The following SCARA5 variants were observed in gnomAD, a reference collection of about 807,000 sequenced individuals.
SCARA5 encodes the protein scavenger receptor class A member 5.
In SCARA5, 45 loss-of-function variants were observed where a neutral mutation model predicts 46.3. The observed-to-expected ratio is 0.97, with a 90% CI of 0.76 to 1.24. SCARA5 has a LOEUF of 1.24. Among genes scored for constraint, SCARA5 ranks in the 50% most tolerant of loss-of-function variants. SCARA5 has a pLI of 0.00. For synonymous variants in SCARA5, 333 were observed against 306.5 expected (o/e 1.09, Z -0.90); for missense variants, 680 against 689.0 (o/e 0.99, Z 0.15).
intron 3 of SCARA5, among the ~76,000 whole-genome samples, chr8:27,960,439 G>A (rs540115721): frequency 1.3e-5 from 2 of 152,248 alleles, no homozygotes; most frequent in East Asian, 3.9e-4. Context: ...GGCCTCCCAA[G>A]AGCTGCAATT....
chr8:27,901,380 T>G (rs1205566479), intron 7 of SCARA5, among the ~76,000 whole-genome samples: 1 of 152,098 alleles, frequency 6.6e-6, no homozygotes, highest in Non-Finnish European at 1.5e-5. Flanking sequence ...CGATGTTGGC[T>G]TGTGGAGGAG....
Position 27,869,933 on chromosome 8 carries a change from T to C in SCARA5, c.*2001A>G, listed in dbSNP as rs1196055153. ...AAATTCTTTCTTACAAAAGGTCTGA[T>C]GTATTTTAGGCCAGGCCTAATTTGC... On this transcript the variant is annotated 3_prime_UTR_variant, in exon 9 of 9. Transcript: ENST00000354914. 1.3e-5 allele frequency: 2 copies of C among 152,256 alleles called. No individual in the cohort carries two copies. Among genetic ancestry groups the C allele is most frequent in the African/African-American group, 4.8e-5 (2 of 41,470 alleles). 9.4% of individuals were successfully genotyped at this position (152,256 alleles called of 1,614,324 possible). A position where few individuals can be genotyped will look rare whatever the true frequency, so the allele number is the denominator to read the frequency against.
chr8:27,936,592 T>TAAAAAAAAAAAAAAGAAAAAAAA (rs1807861201), intron 3 of SCARA5, among the ~76,000 whole-genome samples: 1 of 31,314 alleles, frequency 3.2e-5, no homozygotes, highest in Non-Finnish European at 5.6e-5. Context: ...GTGTCTCCAT[T>TAAAAAAAAAAAAAAGAAAAAAAA]AAAAAAAAAA....
At chr8:27,978,002 C>T (rs1005869355) in intron 2 of SCARA5, among the ~76,000 whole-genome samples, 10 of 150,344 alleles carry the variant, frequency 6.7e-5, no homozygotes, top group Admixed American at 4.6e-4. Context: ...TAGTGTATTT[C>T]AGTTAGTTTC....
At chr8:27,929,642 G>A (rs988512906) in intron 3 of SCARA5, among the ~76,000 whole-genome samples, 1 of 152,142 alleles carries the variant, frequency 6.6e-6, no homozygotes. Flanking sequence ...ATGAAATTGG[G>A]GTGAATTTGT....
chr8:27,974,700 C>CCT (rs3842192), intron 2 of SCARA5, among the ~76,000 whole-genome samples: 86,162 of 151,318 alleles, frequency 0.57, 24,597 homozygotes, highest in South Asian at 0.66. Context: ...CCACAAATAA[C>CCT]CTGTCTTTGA....
chr8:27,877,429 CCA>C (rs2129663800), intron 8 of SCARA5, among the ~76,000 whole-genome samples: 1 of 152,286 alleles, frequency 6.6e-6, no homozygotes, highest in Admixed American at 6.5e-5. Context: ...GTGAAAGAAG[CCA>C]CAGTCTACAG....
chr8:27,922,304 A>C, intron 3 of SCARA5, 59 bp from the exon 4 acceptor site: 1 of 1,293,338 alleles, frequency 7.7e-7, no homozygotes, highest in South Asian at 1.6e-5. Flanking sequence ...CCCGGGTGAC[A>C]AGAGGCGAAC....
At chr8:27,981,764 C>T (rs1346093851) in intron 2 of SCARA5, among the ~76,000 whole-genome samples, 4 of 152,212 alleles carry the variant, frequency 2.6e-5, no homozygotes, top group Non-Finnish European at 5.9e-5. Flanking sequence ...CCACTGGCTC[C>T]CCCGGGGACC....
At chr8:27,882,392 T>A (rs182788151) in intron 7 of SCARA5, among the ~76,000 whole-genome samples, 2 of 152,350 alleles carry the variant, frequency 1.3e-5, no homozygotes, top group Non-Finnish European at 2.9e-5. Flanking sequence ...CAGTTTCAGC[T>A]CATTTGGGTA....
chr8:27,984,527 T>C (rs1808671202), intron 2 of SCARA5, among the ~76,000 whole-genome samples: 1 of 152,040 alleles, frequency 6.6e-6, no homozygotes, highest in Admixed American at 6.6e-5. Context: ...CATTCATCCA[T>C]CTATCCATTC....
intron 7 of SCARA5, chr8:27,903,737 G>T (rs1282952016): frequency 6.6e-6 from 1 of 152,310 alleles, no homozygotes; most frequent in African/African-American, 2.4e-5. Flanking sequence ...ATTTATTTGG[G>T]TGTCATGAGA....
rs568696486 is a variant in SCARA5 at position 27,966,617 on chromosome 8, C to G, written c.113-75G>C. On this transcript the variant is annotated intron_variant, in intron 2 of 8. Coordinates refer to ENST00000354914, the MANE Select transcript of SCARA5 (RefSeq NM_173833.6). ...CATAAGCTCTTTTCTTTTTTGGTCTCATCTCTCCCTGATGCATGCAGATGT... is the reference window on the plus strand; with the variant it reads ...CATAAGCTCTTTTCTTTTTTGGTCTGATCTCTCCCTGATGCATGCAGATGT... The G allele has an allele frequency of 2.1e-6, 3 of 1,463,114 alleles. No individual in the cohort carries two copies. In the Admixed American group the frequency reaches 6.9e-5, roughly 34 times the overall value. The allele number at this position is 1,463,114 out of a possible 1,614,324, so 90.6% of individuals were successfully genotyped here.
At chr8:27,936,024 T>G (rs1168948737) in intron 3 of SCARA5, among the ~76,000 whole-genome samples, 1 of 152,168 alleles carries the variant, frequency 6.6e-6, no homozygotes, top group Non-Finnish European at 1.5e-5. Context: ...GGCTGCAGGC[T>G]GACTTCTCCC....
At chr8:27,944,332 G>T (rs1202850095) in intron 3 of SCARA5, among the ~76,000 whole-genome samples, 1 of 152,156 alleles carries the variant, frequency 6.6e-6, no homozygotes, top group Non-Finnish European at 1.5e-5. Context: ...TTGTATAGTG[G>T]TGATATAAGA....
intron 3 of SCARA5, among the ~76,000 whole-genome samples, chr8:27,924,475 C>T (rs1310212812): frequency 6.6e-6 from 1 of 152,218 alleles, no homozygotes; most frequent in Non-Finnish European, 1.5e-5. Context: ...CCAGCTTAGG[C>T]TCAGAGGCTC....
At chr8:27,955,823 A>T (rs1292964255) in intron 3 of SCARA5, among the ~76,000 whole-genome samples, 1 of 152,138 alleles carries the variant, frequency 6.6e-6, no homozygotes, top group Non-Finnish European at 1.5e-5. Context: ...TGGCAACTCT[A>T]TGTGTCGACG....
At chr8:27,936,446 A>T (rs373358651) in intron 3 of SCARA5, among the ~76,000 whole-genome samples, 63 of 151,846 alleles carry the variant, frequency 4.1e-4, no homozygotes, top group African/African-American at 1.5e-3. Flanking sequence ...AAAATTAGCC[A>T]GGCGTGGTGG....
intron 2 of SCARA5, among the ~76,000 whole-genome samples, chr8:27,981,385 A>G (rs557301012): frequency 9.8e-4 from 150 of 152,314 alleles, no homozygotes; most frequent in African/African-American, 3.3e-3. Flanking sequence ...TGGAAGGGGA[A>G]AAGCCCAGGT....
Sources: gnomAD v4.1 joint callset for allele counts (sites outside exome capture counted in the v4.1 genomes callset) on GRCh38, gnomAD v4.1.1 for gene constraint, MANE v1.5 for transcripts, NCBI Gene and HGNC (gene_info 2026-07-23, HGNC 2026-07-21) for gene names.